Variants in SCAMP1 observed in about 807,000 individuals in gnomAD.
The protein encoded by SCAMP1 is secretory carrier membrane protein 1.
In SCAMP1, 15 loss-of-function variants were observed where a neutral mutation model predicts 41.8. The ratio of observed to expected loss-of-function variants is 0.36; its 90% CI spans 0.24 to 0.55. The LOEUF is 0.55. Ranked by LOEUF, SCAMP1 falls within the 20% of genes least tolerant of loss-of-function variation. SCAMP1 has a pLI of 0.86. For missense variants in SCAMP1, 341 were observed against 412.6 expected (o/e 0.83, Z 1.50); for synonymous variants, 135 against 136.8 (o/e 0.99, Z 0.09).
intron 1 of SCAMP1, among the ~76,000 whole-genome samples, chr5:78,379,242 T>G (rs1383503074): frequency 2.0e-5 from 3 of 152,196 alleles, no homozygotes; most frequent in African/African-American, 7.2e-5. Flanking sequence ...GGAAAGATCA[T>G]AGCAAAGATT....
intron 7 of SCAMP1, among the ~76,000 whole-genome samples, chr5:78,457,474 G>A (rs1404011541): frequency 1.3e-5 from 2 of 152,114 alleles, no homozygotes; most frequent in Non-Finnish European, 2.9e-5. Context: ...CCTGCTGGGG[G>A]GTGCCTCCCA....
chr5:78,475,478 T>G (rs1201598734), intron 8 of SCAMP1, 26 bp from the exon 9 acceptor site: 1 of 1,529,622 alleles, frequency 6.5e-7, no homozygotes. Context: ...CTACTTACCT[T>G]CTCCCACTTT....
intron 7 of SCAMP1, among the ~76,000 whole-genome samples, chr5:78,453,656 C>T (rs1379296025): frequency 6.6e-6 from 1 of 152,098 alleles, no homozygotes; most frequent in Non-Finnish European, 1.5e-5. Context: ...TTAGGATAGC[C>T]TTGGCGATGC....
rs567902754 is a variant in SCAMP1, at chr5:78,445,113, C to CA, written c.633-4817dup. Among the ~76,000 whole-genome samples, 308 of 152,266 alleles carry CA rather than the reference C, an allele frequency of 2.0e-3. 1 individual carries two copies. The highest frequency in any genetic ancestry group is 9.4e-3 in the Admixed American group (144 of 15,286). ...AATACTTTGTCTTTTCCCATCCCAGCAAATGGTAGTTGTAATTAATATCTC... is the reference window on the plus strand; with the variant it reads ...AATACTTTGTCTTTTCCCATCCCAGCAAAATGGTAGTTGTAATTAATATCTC... On this transcript the variant is annotated intron_variant, in intron 6 of 8. Transcript: ENST00000621999.
At chr5:78,404,918 T>C (rs2112117027) in intron 2 of SCAMP1, among the ~76,000 whole-genome samples, 1 of 152,348 alleles carries the variant, frequency 6.6e-6, no homozygotes, top group East Asian at 1.9e-4. Flanking sequence ...TGGGTTCCCC[T>C]GTAGATTTTA....
intron 2 of SCAMP1, among the ~76,000 whole-genome samples, chr5:78,409,452 T>TACAC (rs1752016899): frequency 8.0e-6 from 1 of 125,686 alleles, no homozygotes; most frequent in Admixed American, 7.6e-5. Context: ...CACACACGCA[T>TACAC]ACACGCTCAT....
At chr5:78,410,957 T>A (rs1469226982) in intron 2 of SCAMP1, among the ~76,000 whole-genome samples, 1 of 152,216 alleles carries the variant, frequency 6.6e-6, no homozygotes, top group Non-Finnish European at 1.5e-5. Flanking sequence ...GACAAGTGTC[T>A]GTTCATGTCC....
chr5:78,412,515 T>G (rs571305194), intron 2 of SCAMP1, among the ~76,000 whole-genome samples: 1 of 152,310 alleles, frequency 6.6e-6, no homozygotes, highest in Admixed American at 6.5e-5. Flanking sequence ...TCCATTGACT[T>G]GAAATGCTAT....
intron 2 of SCAMP1, among the ~76,000 whole-genome samples, chr5:78,406,999 G>A (rs1751951481): frequency 6.6e-6 from 1 of 152,190 alleles, no homozygotes. Context: ...GGCAGACACA[G>A]TTCTAGGTTT....
chr5:78,460,796 CCTT>C, intron 8 of SCAMP1, among the ~76,000 whole-genome samples: 1 of 35,714 alleles, frequency 2.8e-5, no homozygotes, highest in Admixed American at 1.8e-4. Flanking sequence ...TTCCTTCCTT[CCTT>C]CCTTCCTCCC....
At chr5:78,386,107 AG>A (rs1198318571) in intron 1 of SCAMP1, among the ~76,000 whole-genome samples, 37 of 152,106 alleles carry the variant, frequency 2.4e-4, no homozygotes, top group Admixed American at 2.2e-3. Context: ...TAGGTCTAGT[AG>A]TACTTGTTTT....
chr5:78,395,625 A>T (rs1008446671), intron 2 of SCAMP1, among the ~76,000 whole-genome samples: 5 of 152,138 alleles, frequency 3.3e-5, no homozygotes, highest in Non-Finnish European at 7.4e-5. Flanking sequence ...AGGCTTATAT[A>T]GATTGCTGGC....
At chr5:78,449,907 T>C in intron 6 of SCAMP1, 26 bp from the exon 7 acceptor site, 1 of 1,347,586 alleles carries the variant, frequency 7.4e-7, no homozygotes, top group Non-Finnish European at 1.0e-6. Context: ...CCCCCTTTTT[T>C]CTTTCTTTCT....
At chr5:78,443,652 G>GGTTTTTTT in intron 6 of SCAMP1, among the ~76,000 whole-genome samples, 1 of 59,030 alleles carries the variant, frequency 1.7e-5, no homozygotes, top group Non-Finnish European at 3.6e-5. Flanking sequence ...GAGTGGTTTT[G>GGTTTTTTT]CTTTTTTTTT....
chr5:78,426,527 C>T (rs190852579), intron 6 of SCAMP1, among the ~76,000 whole-genome samples: 3 of 152,292 alleles, frequency 2.0e-5, no homozygotes, highest in Admixed American at 2.0e-4. Context: ...ATTTGCGTTT[C>T]TCTAATGACC....
At chr5:78,456,468 T>G (rs893062408) in intron 7 of SCAMP1, among the ~76,000 whole-genome samples, 1 of 152,040 alleles carries the variant, frequency 6.6e-6, no homozygotes, top group Non-Finnish European at 1.5e-5. Flanking sequence ...GGATATGAAA[T>G]TCTGGGTTGA....
At position 78,418,721 on chromosome 5, in the gene SCAMP1, A is replaced by G. The variant is rs1394696929; in HGVS notation, c.344-54A>G. On this transcript the variant is annotated intron_variant, in intron 4 of 8. Transcript: ENST00000621999. ...TCTTTATTATGAAACAAAAAATAATATCACATTTGTTATAATATAAATAAC... is the reference window on the plus strand; with the variant it reads ...TCTTTATTATGAAACAAAAAATAATGTCACATTTGTTATAATATAAATAAC... 2.6e-6 allele frequency: 3 copies of G among 1,153,570 alleles called. No homozygotes were observed. The South Asian group carries it at 4.7e-5, about 18-fold the overall frequency. 71.5% of individuals were successfully genotyped at this position (1,153,570 alleles called of 1,614,324 possible). A position where few individuals can be genotyped will look rare whatever the true frequency, so the allele number is the denominator to read the frequency against.
chr5:78,381,421 C>A (rs1324117988), intron 1 of SCAMP1, among the ~76,000 whole-genome samples: 1 of 152,184 alleles, frequency 6.6e-6, no homozygotes, highest in East Asian at 1.9e-4. Context: ...TGAGGGTAGG[C>A]ATTGAGACTA....
At chr5:78,417,323 A>G (rs1452919914) in intron 4 of SCAMP1, among the ~76,000 whole-genome samples, 2 of 152,228 alleles carry the variant, frequency 1.3e-5, no homozygotes, top group African/African-American at 4.8e-5. Context: ...TTAACTTAGA[A>G]TGTGTAAGTC....
Sources: gnomAD v4.1 joint callset for allele counts (sites outside exome capture counted in the v4.1 genomes callset) on GRCh38, gnomAD v4.1.1 for gene constraint, MANE v1.5 for transcripts, NCBI Gene and HGNC (gene_info 2026-07-23, HGNC 2026-07-21) for gene names.